The following MYBPH variants were observed in gnomAD, a reference collection of about 807,000 sequenced individuals.
MYBPH encodes the protein myosin binding protein H.
Under a neutral mutation model 53.6 loss-of-function variants are expected in MYBPH, and 49 were observed. The observed-to-expected ratio is 0.91, with a 90% CI of 0.73 to 1.16. The LOEUF (loss-of-function observed/expected upper bound fraction) is 1.16, where lower values mean the gene tolerates loss of function less well. MYBPH is among the 50% of genes most tolerant of loss of function. The pLI, the probability that MYBPH is intolerant of heterozygous loss-of-function variation, is 0.00. For synonymous variants in MYBPH, 239 were observed against 249.6 expected (o/e 0.96, Z 0.40); for missense variants, 558 against 624.1 (o/e 0.89, Z 1.13).
At chr1:203,170,190 C>G in intron 7 of MYBPH, 101 bp downstream of exon 7, 1 of 1,441,622 alleles carries the variant, frequency 6.9e-7, no homozygotes. Context: ...GTTCCAGGGG[C>G]AGACGCCCAG....
chr1:203,171,830 G>A lies in MYBPH; in HGVS notation c.597+122C>T. On this transcript the variant is annotated intron_variant, in intron 4 of 10. Coordinates refer to ENST00000255416, the MANE Select transcript of MYBPH (RefSeq NM_004997.3). The surrounding 1 kb of genome is among the most constrained non-coding windows in gnomAD (Gnocchi z 4.2). ...TGAGTCATGTGCATGATTGCGGAAG[G>A]ATGAAGCCGTCTCGCTGGGTCTCAG... 6.8e-6 allele frequency: 5 copies of A among 732,664 alleles called. No individual in the cohort carries two copies. Among genetic ancestry groups the A allele is most frequent in the Non-Finnish European group, 1.0e-5 (5 of 484,640 alleles). 45.4% of individuals were successfully genotyped at this position (732,664 alleles called of 1,614,324 possible). A position where few individuals can be genotyped will look rare whatever the true frequency, so the allele number is the denominator to read the frequency against.
intron 3 of MYBPH, among the ~76,000 whole-genome samples, chr1:203,172,853 G>A (rs1655726190): frequency 6.6e-6 from 1 of 152,178 alleles, no homozygotes; most frequent in South Asian, 2.1e-4. Flanking sequence ...GCAGTTGGTT[G>A]GTGGCATGCA....
chr1:203,168,569 C>T lies in MYBPH; in HGVS notation c.*32+58G>A, dbSNP rs530329414. On this transcript the variant is annotated intron_variant, in intron 10 of 10. Coordinates refer to ENST00000255416, the MANE Select transcript of MYBPH (RefSeq NM_004997.3). ...CACCCCAACCCCCTGCTCCTGGCCTCCTCTCTGCTTCTGTGCTGCCCACAG... is the reference window on the plus strand; with the variant it reads ...CACCCCAACCCCCTGCTCCTGGCCTTCTCTCTGCTTCTGTGCTGCCCACAG... The T allele has an allele frequency of 2.6e-6, 4 of 1,517,096 alleles. No individual in the cohort carries two copies. In the East Asian group the frequency reaches 7.4e-5, roughly 28 times the overall value. 94.0% of individuals were successfully genotyped at this position (1,517,096 alleles called of 1,614,324 possible).
upstream of MYBPH, among the ~76,000 whole-genome samples, chr1:203,177,714 G>A (rs1655840718): frequency 6.6e-6 from 1 of 152,262 alleles, no homozygotes. Flanking sequence ...CCTGTCCCCG[G>A]CTGGGGGAAG....
At position 203,175,393 on chromosome 1, in the gene MYBPH, C is replaced by T. The variant is rs1242967171; in HGVS notation, c.274G>A (p.Glu92Lys). The change falls in exon 2 of 11, where the codon GAG becomes AAG. Residue 92 changes from glutamate to lysine, a missense_variant. Physicochemically the swap from Glu to Lys is moderately conservative, Grantham distance 56. Transcript: ENST00000255416. The part of the protein sequence containing the change: ...VSSSSVTVSW[E>K]PPERLGRLGL... ...AGCCTCCCCAGCCTCTCTGGGGGCT[C>T]CCAGCTCACAGTCACAGAGCTGCTG... 2 of 1,539,978 alleles carry T rather than the reference C, an allele frequency of 1.3e-6. No homozygotes were observed. The highest frequency in any genetic ancestry group is 1.7e-6 in the Non-Finnish European group (2 of 1,145,234).
At chr1:203,169,212 G>A in intron 8 of MYBPH, 41 bp downstream of exon 8, 3 of 1,579,956 alleles carry the variant, frequency 1.9e-6, no homozygotes, top group South Asian at 2.4e-5. Context: ...GTCCCCACCT[G>A]CCCCCACCAG....
chr1:203,176,495 T>C (rs1391067521), upstream of MYBPH, among the ~76,000 whole-genome samples: 1 of 152,014 alleles, frequency 6.6e-6, no homozygotes, highest in Non-Finnish European at 1.5e-5. Context: ...TGGGCCTCAG[T>C]TTTCCACCTG....
chr1:203,175,047 T>G (rs1013449838), intron 2 of MYBPH, among the ~76,000 whole-genome samples: 1 of 151,822 alleles, frequency 6.6e-6, no homozygotes. Flanking sequence ...TTCCTTCCCT[T>G]CTCACCAAAG....
At chr1:203,172,074 CAGTGGGG>C in intron 3 of MYBPH, 34 bp from the exon 4 acceptor site, 1 of 1,248,788 alleles carries the variant, frequency 8.0e-7, no homozygotes, top group Non-Finnish European at 1.0e-6. Flanking sequence ...CTTAGCAGTG[CAGTGGGG>C]TGGCTGATTG....
upstream of MYBPH, among the ~76,000 whole-genome samples, chr1:203,177,376 G>A (rs949801510): frequency 1.3e-5 from 2 of 152,230 alleles, no homozygotes; most frequent in Admixed American, 6.5e-5. Context: ...TCTTTAGCAC[G>A]TAAGATGTGC....
Position 203,170,292 on chromosome 1 carries a change from T to A in MYBPH, c.1092A>T (p.Ala364=), listed in dbSNP as rs1655670342. The A allele has an allele frequency of 1.1e-5, 18 of 1,614,024 alleles. No individual in the cohort carries two copies. Among genetic ancestry groups the A allele is most frequent in the Non-Finnish European group, 1.5e-5 (18 of 1,179,982 alleles). Residue 364 remains alanine, a splice_region_variant and synonymous_variant, in exon 7 of 11, where the codon GCA becomes GCT. Transcript: ENST00000255416. ...AGCCAGCTCCGGGCCCAAACCCACC[T>A]GCCTTCTGGATGTGGGCGAGCTCCT... ...VTKELAHIQK[A]DIAAKPKGFI...
At position 203,171,493 on chromosome 1, in the gene MYBPH, T is replaced by C. The variant is rs776467041; in HGVS notation, c.683A>G (p.Asp228Gly). 2 of 1,613,682 alleles carry C rather than the reference T, an allele frequency of 1.2e-6. No individual in the cohort carries two copies. The highest frequency in any genetic ancestry group is 3.3e-5 in the Admixed American group (2 of 60,004). Residue 228 changes from aspartate to glycine, a missense_variant, in exon 5 of 11, where the codon GAC (aspartate) becomes GGC (glycine). Asp to Gly is a moderately conservative substitution (Grantham distance 94). Coordinates refer to ENST00000255416, the MANE Select transcript of MYBPH (RefSeq NM_004997.3). The surrounding 1 kb of genome is among the most constrained non-coding windows in gnomAD (Gnocchi z 4.2). ...QRVSMRTGDQ[D>G]SILFIRSAQR... ...GGCCGAGCGAATGAAGAGGATGGAG[T>C]CCTGGTCCCCGGTGCGCATGCTCAC... is the stretch of plus-strand genomic sequence containing the variant.
upstream of MYBPH, chr1:203,175,847 G>C: frequency 7.7e-7 from 1 of 1,296,202 alleles, no homozygotes; most frequent in Non-Finnish European, 1.1e-6. Flanking sequence ...CCTAGGTCCA[G>C]GCTTATATAG....
upstream of MYBPH, among the ~76,000 whole-genome samples, chr1:203,176,932 A>G (rs921917181): frequency 6.6e-6 from 1 of 152,172 alleles, no homozygotes. Context: ...GTTATTTGTA[A>G]TTGTTGAAAT....
rs542694631 is a variant in MYBPH at position 203,175,532 on chromosome 1, CT to C, written c.205+18del. On this transcript the variant is annotated intron_variant, in intron 1 of 10. Transcript: ENST00000255416. ...TGACATGCCTGCCTCCCTCCTCCCC[CT>C]GCCCCACCTTCAGTCACCTTCACTT... 9.3e-5 allele frequency: 150 copies of C among 1,613,396 alleles called. No homozygotes were observed. The African/African-American group carries it at 1.1e-3, about 12-fold the overall frequency.
Position 203,175,651 on chromosome 1 carries a change from T to C in MYBPH, c.105A>G (p.Val35=). 6.2e-7 allele frequency: 1 copy of C among 1,614,138 alleles called. No individual in the cohort carries two copies. ...CCTGCTCTTCTCTGGTGGACTCTGA[T>C]ACTGCCACTTCTCCGGGAGGCTCTG... ...PTAEPPGEVA[V]SESTREEQVP... The change falls in exon 1 of 11, where the codon GTA becomes GTG. Residue 35 remains valine, a synonymous_variant. Coordinates refer to ENST00000255416, the MANE Select transcript of MYBPH (RefSeq NM_004997.3).
At chr1:203,168,704 G>C in intron 9 of MYBPH, 29 bp from the exon 10 acceptor site, 9 of 1,584,316 alleles carry the variant, frequency 5.7e-6, no homozygotes, top group Non-Finnish European at 7.7e-6. Context: ...TTAGAGCTTG[G>C]GGGAAGTGGC....
At position 203,168,534 on chromosome 1, in the gene MYBPH, C is replaced by T. The variant is rs1655627915; in HGVS notation, c.*32+93G>A. The T allele has an allele frequency of 7.8e-6, 10 of 1,284,764 alleles. No individual in the cohort carries two copies. The Admixed American group carries it at 7.9e-5, about 10-fold the overall frequency. The allele number at this position is 1,284,764 out of a possible 1,614,324, so 79.6% of individuals were successfully genotyped here. A position where few individuals can be genotyped will look rare whatever the true frequency, so the allele number is the denominator to read the frequency against. ...TTGTGTCCACAGAGCTGACCACCAC[C>T]TTCCCTTCTCACCCCAACCCCCTGC... is the stretch of plus-strand genomic sequence containing the variant. On this transcript the variant is annotated intron_variant, in intron 10 of 10. Transcript: ENST00000255416.
upstream of MYBPH, among the ~76,000 whole-genome samples, chr1:203,177,871 C>T (rs556594728): frequency 3.9e-5 from 6 of 152,376 alleles, no homozygotes; most frequent in Admixed American, 3.3e-4. Flanking sequence ...GTACCCCCTC[C>T]CCACACCCCA....
Sources: gnomAD v4.1 joint callset for allele counts (sites outside exome capture counted in the v4.1 genomes callset) on GRCh38, gnomAD v4.1.1 for gene constraint, Gnocchi (gnomAD v3.1) non-coding constraint, MANE v1.5 for transcripts, NCBI Gene and HGNC (gene_info 2026-07-23, HGNC 2026-07-21) for gene names.